The following PPP1R7 variants were observed in gnomAD, a reference collection of about 807,000 sequenced individuals.
PPP1R7 encodes protein phosphatase 1 regulatory subunit 7, also known as protein phosphatase 1 regulatory subunit 22.
In PPP1R7, 18 loss-of-function variants were observed where a neutral mutation model predicts 45.2. That is an observed-to-expected ratio of 0.40 (90% CI 0.28 to 0.59). The LOEUF is 0.59. PPP1R7 is among the 20% of genes least tolerant of loss of function. The pLI is 0.46. For synonymous variants in PPP1R7, 181 were observed against 183.4 expected, an observed-to-expected ratio of 0.99 and a Z score of 0.11; for missense variants, 314 against 455.8, an observed-to-expected ratio of 0.69 and a Z score of 2.83.
intron 9 of PPP1R7, among the ~76,000 whole-genome samples, chr2:241,179,168 C>G (rs1276653172): frequency 6.6e-6 from 1 of 152,050 alleles, no homozygotes; most frequent in Non-Finnish European, 1.5e-5. Flanking sequence ...TAGCAGAATC[C>G]CAGCCGTTGG....
intron 9 of PPP1R7, among the ~76,000 whole-genome samples, chr2:241,180,112 C>T (rs2067974557): frequency 1.3e-5 from 2 of 152,228 alleles, no homozygotes; most frequent in African/African-American, 4.8e-5. Context: ...GGAGGTGACA[C>T]AGCTTGAAGA....
At chr2:241,170,016 A>G in intron 9 of PPP1R7, 149 bp downstream of exon 9, 2 of 628,944 alleles carry the variant, frequency 3.2e-6, no homozygotes, top group East Asian at 5.6e-5. Flanking sequence ...GCGCTCTTGT[A>G]GACTTGTATT....
chr2:241,169,969 T>G (rs1253670394), intron 9 of PPP1R7, 102 bp downstream of exon 9: 1 of 980,370 alleles, frequency 1.0e-6, no homozygotes, highest in African/African-American at 1.6e-5. Flanking sequence ...TAAGCCTTCA[T>G]GCTGAGTGAC....
At chr2:241,161,806 A>G (rs911227201) in intron 6 of PPP1R7, among the ~76,000 whole-genome samples, 21 of 152,160 alleles carry the variant, frequency 1.4e-4, no homozygotes, top group Non-Finnish European at 3.1e-4. Context: ...CGTGGGCAGG[A>G]AGGAGGACTT....
intron 6 of PPP1R7, among the ~76,000 whole-genome samples, chr2:241,162,916 G>T (rs1021413258): frequency 1.9e-4 from 29 of 152,130 alleles, no homozygotes; most frequent in Admixed American, 1.3e-4. Flanking sequence ...ATCTGACCTT[G>T]TGATCCACCT....
chr2:241,160,010 G>A (rs1449803370), intron 5 of PPP1R7, among the ~76,000 whole-genome samples: 1 of 152,164 alleles, frequency 6.6e-6, no homozygotes, highest in African/African-American at 2.4e-5. Flanking sequence ...TGTGTGCAGA[G>A]CCTGGTGTGA....
At chr2:241,150,385 G>T (rs759921954), upstream of PPP1R7, 213 of 1,337,920 alleles carry the variant, frequency 1.6e-4, no homozygotes, top group Non-Finnish European at 1.6e-4. Context: ...GCGCGGCGCG[G>T]CTGAAGTCGC....
chr2:241,172,499 G>A (rs184834522), intron 9 of PPP1R7, among the ~76,000 whole-genome samples: 8 of 152,178 alleles, frequency 5.3e-5, no homozygotes, highest in Admixed American at 1.3e-4. Flanking sequence ...GCAAAACTTA[G>A]CTGGGCATGG....
chr2:241,168,516 G>A (rs1041068193), intron 8 of PPP1R7, among the ~76,000 whole-genome samples: 6 of 152,198 alleles, frequency 3.9e-5, no homozygotes, highest in Non-Finnish European at 8.8e-5. Context: ...CCACAGTCGC[G>A]TCTTCTGCAA....
At chr2:241,160,238 C>T in intron 5 of PPP1R7, 94 bp from the exon 6 acceptor site, 1 of 1,067,910 alleles carries the variant, frequency 9.4e-7, no homozygotes, top group African/African-American at 1.6e-5. Context: ...CTGCCGTCCC[C>T]TGATGGGGAC....
intron 2 of PPP1R7, among the ~76,000 whole-genome samples, chr2:241,155,721 C>G (rs1020155539): frequency 6.6e-6 from 1 of 152,192 alleles, no homozygotes; most frequent in Non-Finnish European, 1.5e-5. Context: ...TGGCACAGCC[C>G]GTTTCTGCCT....
rs887843220 is a variant in PPP1R7 at position 241,159,452 on chromosome 2, C to T, written c.434+109C>T. On this transcript the variant is annotated intron_variant, in intron 5 of 9. Transcript: ENST00000234038. ...CTGGCTCTTAGCCCTTGAGAGGCTG[C>T]CTCTGCCACAGGGTCCTGCCCTGCA... 1.0e-5 allele frequency: 14 copies of T among 1,387,216 alleles called. No individual in the cohort carries two copies. The African/African-American group carries it at 1.7e-4, about 17-fold the overall frequency. 85.9% of individuals were successfully genotyped at this position (1,387,216 alleles called of 1,614,324 possible). A position where few individuals can be genotyped will look rare whatever the true frequency, so the allele number is the denominator to read the frequency against.
chr2:241,149,908 C>G (rs1443897601), upstream of PPP1R7: 7 of 1,434,388 alleles, frequency 4.9e-6, no homozygotes, highest in Non-Finnish European at 6.4e-6. Flanking sequence ...GCGCAAGTGC[C>G]CCGCACCTGC....
intron 9 of PPP1R7, among the ~76,000 whole-genome samples, chr2:241,176,473 T>TC (rs1574732029): frequency 2.0e-5 from 3 of 151,712 alleles, no homozygotes; most frequent in Admixed American, 6.6e-5. Flanking sequence ...TTTTTTTTTT[T>TC]TGAGATGGAG....
rs564295607 is a variant in PPP1R7, at chr2:241,169,462, G to C, written c.820-319G>C. 1.4e-3 allele frequency among the ~76,000 whole-genome samples: 213 copies of C among 152,340 alleles called. 1 individual carries two copies. The highest frequency in any genetic ancestry group is 2.5e-3 in the Non-Finnish European group (170 of 68,024). ...CAGGGGGTTACTCGGTTCTTCCTGG[G>C]ACCATCAGTCTCACTAGGTCTGTCT... On this transcript the variant is annotated intron_variant, in intron 8 of 9. Coordinates refer to ENST00000234038, the MANE Select transcript of PPP1R7 (RefSeq NM_002712.3).
chr2:241,178,226 T>C (rs1025079122), intron 9 of PPP1R7, among the ~76,000 whole-genome samples: 3 of 152,250 alleles, frequency 2.0e-5, no homozygotes, highest in African/African-American at 7.2e-5. Context: ...AGTCTAGTGA[T>C]GGCCATTTCA....
At chr2:241,158,982 G>C (rs1218341022) in intron 4 of PPP1R7, 8 of 522,706 alleles carry the variant, frequency 1.5e-5, no homozygotes, top group Non-Finnish European at 2.8e-5. Context: ...TGGGGAGCCT[G>C]CCTCCTGCCT....
chr2:241,166,348 G>A lies in PPP1R7; in HGVS notation c.726G>A (p.Leu242=). Residue 242 remains leucine (L), a synonymous_variant, in exon 8 of 10, where the codon CTG becomes CTA. Coordinates refer to ENST00000234038, the MANE Select transcript of PPP1R7 (RefSeq NM_002712.3). ...TCTCCCTCTTGCAGAGCAACCGGCT[G>A]ACCAAGATCGAGGGTCTGCAGAACC... ...LTVLSMQSNR[L]TKIEGLQNLV... 6.2e-7 allele frequency: 1 copy of A among 1,613,928 alleles called. No homozygotes were observed. The highest frequency in any genetic ancestry group is 1.1e-5 in the South Asian group (1 of 91,028).
intron 8 of PPP1R7, 111 bp downstream of exon 8, chr2:241,166,552 C>G (rs1559423700): frequency 4.6e-6 from 4 of 874,816 alleles, no homozygotes; most frequent in Non-Finnish European, 7.3e-6. Context: ...GGAAGATGCC[C>G]TGCCTCTGGA....
Sources: allele counts gnomAD v4.1 joint callset (sites outside exome capture counted in the v4.1 genomes callset), GRCh38; gene constraint gnomAD v4.1.1; transcripts MANE v1.5; gene names NCBI Gene and HGNC (gene_info 2026-07-23, HGNC 2026-07-21).